TENM3: variants seen among roughly 807,000 people sequenced by gnomAD.
TENM3 encodes teneurin transmembrane protein 3, also known as teneurin-3.
In TENM3, 63 loss-of-function variants were observed where a neutral mutation model predicts 255.1. That is an observed-to-expected ratio of 0.25 (90% CI 0.20 to 0.30). The LOEUF is 0.30. TENM3 is among the 10% of genes least tolerant of loss of function. The pLI is 1.00. For missense variants in TENM3, 2,929 were observed against 3,461.1 expected (o/e 0.85, Z 3.86); for synonymous variants, 1,306 against 1,322.3 (o/e 0.99, Z 0.27).
chr4:182,309,245 C>T (rs1316570010), intron 1 of TENM3, among the ~76,000 whole-genome samples: 4 of 152,292 alleles, frequency 2.6e-5, no homozygotes, highest in African/African-American at 7.2e-5. Flanking sequence ...TCGCTGAGTG[C>T]GAATTTCCCA....
At chr4:181,646,305 A>G in the TENM3 span, among the ~76,000 whole-genome samples, 1 of 152,172 alleles carries the variant, frequency 6.6e-6, no homozygotes, top group South Asian at 2.1e-4. Context: ...GGACACAGAA[A>G]TTTTATCTCA....
intron 1 of TENM3, among the ~76,000 whole-genome samples, chr4:182,280,809 G>A (rs1311515970): frequency 6.6e-6 from 1 of 152,184 alleles, no homozygotes; most frequent in East Asian, 1.9e-4. Context: ...GAAATCTTAT[G>A]TAAAACAGAT....
chr4:181,471,373 T>A, the TENM3 span, among the ~76,000 whole-genome samples: 10 of 152,320 alleles, frequency 6.6e-5, 1 homozygote, highest in African/African-American at 2.4e-4. Context: ...TTAAATTTTT[T>A]AATTATTTTA....
At chr4:182,413,160 A>T (rs1439377647) in intron 3 of TENM3, among the ~76,000 whole-genome samples, 2 of 152,146 alleles carry the variant, frequency 1.3e-5, no homozygotes, top group Non-Finnish European at 2.9e-5. Context: ...CATCAGAAGG[A>T]GCCAGTTACA....
At chr4:181,466,787 C>A in the TENM3 span, among the ~76,000 whole-genome samples, 1 of 151,770 alleles carries the variant, frequency 6.6e-6, no homozygotes, top group Non-Finnish European at 1.5e-5. Flanking sequence ...AAATATTGCC[C>A]CTAAGCATTT....
intron 3 of TENM3, among the ~76,000 whole-genome samples, chr4:182,557,473 T>C (rs1256053683): frequency 6.6e-6 from 1 of 152,202 alleles, no homozygotes; most frequent in East Asian, 1.9e-4. Flanking sequence ...TGTTTCATTT[T>C]AAAAAAGGAC....
intron 3 of TENM3, among the ~76,000 whole-genome samples, chr4:182,600,688 G>T (rs1261893339): frequency 6.6e-6 from 1 of 151,878 alleles, no homozygotes; most frequent in East Asian, 1.9e-4. Context: ...AAGCAATTTT[G>T]CCATCTGTTG....
chr4:182,773,388 C>A (rs1025632781), intron 22 of TENM3, 84 bp from the exon 23 acceptor site: 5 of 1,271,188 alleles, frequency 3.9e-6, no homozygotes, highest in Non-Finnish European at 5.4e-6. Flanking sequence ...ATTTGTGCAA[C>A]TAATATTGCT....
chr4:182,291,795 C>T (rs1029053273), intron 1 of TENM3, among the ~76,000 whole-genome samples: 4 of 152,078 alleles, frequency 2.6e-5, no homozygotes, highest in Non-Finnish European at 5.9e-5. Flanking sequence ...GCAGAGACAC[C>T]CACACAGGAC....
the TENM3 span, among the ~76,000 whole-genome samples, chr4:181,797,871 C>A: frequency 9.1e-4 from 139 of 152,148 alleles, no homozygotes; most frequent in African/African-American, 3.3e-3. Flanking sequence ...AGGCGATAAC[C>A]CTACCTGTGT....
chr4:181,775,849 T>C, the TENM3 span, among the ~76,000 whole-genome samples: 1 of 152,182 alleles, frequency 6.6e-6, no homozygotes, highest in African/African-American at 2.4e-5. Flanking sequence ...GTTATATGCA[T>C]AGGATTTGTC....
intron 1 of TENM3, among the ~76,000 whole-genome samples, chr4:182,159,444 ATGAGTGTG>A: frequency 2.1e-5 from 2 of 96,204 alleles, no homozygotes; most frequent in East Asian, 3.8e-4. Flanking sequence ...GATAGTGTGT[ATGAGTGTG>A]TGTGTGTGTG....
At chr4:181,813,435 T>C in the TENM3 span, among the ~76,000 whole-genome samples, 6 of 152,208 alleles carry the variant, frequency 3.9e-5, no homozygotes, top group Non-Finnish European at 7.3e-5. Context: ...ACAAGCATTG[T>C]AGGCCTTAAA....
chr4:181,897,555 T>C, the TENM3 span, among the ~76,000 whole-genome samples: 1 of 152,216 alleles, frequency 6.6e-6, no homozygotes, highest in Non-Finnish European at 1.5e-5. Flanking sequence ...TAGAAGAACC[T>C]TGGTGTTCTT....
At chr4:181,498,774 G>T in the TENM3 span, among the ~76,000 whole-genome samples, 1 of 152,134 alleles carries the variant, frequency 6.6e-6, no homozygotes, top group African/African-American at 2.4e-5. Context: ...GATTCAAGCA[G>T]ATGTTTAAAT....
chr4:182,706,475 G>A (rs748506573), intron 12 of TENM3, among the ~76,000 whole-genome samples: 11 of 152,242 alleles, frequency 7.2e-5, no homozygotes, highest in African/African-American at 1.9e-4. Flanking sequence ...GGAACAGATG[G>A]GTGAAGGACA....
chr4:182,463,709 G>C (rs1243721841), intron 3 of TENM3, among the ~76,000 whole-genome samples: 2 of 151,200 alleles, frequency 1.3e-5, no homozygotes, highest in South Asian at 2.1e-4. Flanking sequence ...CCGCAACCTC[G>C]GCCTCCTGGG....
At position 182,304,945 on chromosome 4, in the gene TENM3, C is replaced by G. The variant is rs577049592; in HGVS notation, c.-75-19001C>G. Among the ~76,000 whole-genome samples, 9 of 152,256 alleles carry G rather than the reference C, an allele frequency of 5.9e-5. No homozygotes were observed. In the South Asian group the frequency reaches 1.9e-3, roughly 32 times the overall value. ...TCTGTCGAGGGGTTTTTCTTTCTTT[C>G]TCTTTTTTCTTTTTCTTCTTCTCCT... On this transcript the variant is annotated intron_variant, in intron 1 of 27. Coordinates refer to ENST00000511685, the MANE Select transcript of TENM3 (RefSeq NM_001080477.4).
Position 182,692,651 on chromosome 4 carries a change from A to G in TENM3, c.2221+4300A>G, listed in dbSNP as rs150571799. ...AATGGAGAATATGGGTTTACAATGT[A>G]TAAATGTTTGTTAGATATAATGAAG... is the stretch of plus-strand genomic sequence containing the variant. On this transcript the variant is annotated intron_variant, in intron 12 of 27. Transcript: ENST00000511685. Among the ~76,000 whole-genome samples the G allele has an allele frequency of 1.3e-3, 197 of 152,344 alleles. 1 individual carries two copies. Among genetic ancestry groups the G allele is most frequent in the African/African-American group, 4.5e-3 (189 of 41,564 alleles).
Sources: gnomAD v4.1 joint callset for allele counts (sites outside exome capture counted in the v4.1 genomes callset) on GRCh38, gnomAD v4.1.1 for gene constraint, MANE v1.5 for transcripts, NCBI Gene and HGNC (gene_info 2026-07-23, HGNC 2026-07-21) for gene names.